Variants in ITPRIP observed in about 807,000 individuals in gnomAD.
The protein encoded by ITPRIP is inositol 1,4,5-trisphosphate receptor-interacting protein.
ITPRIP carries 32 observed loss-of-function variants against 35.8 expected under a neutral mutation model. That is an observed-to-expected ratio of 0.89 (90% CI 0.68 to 1.20). ITPRIP has a LOEUF of 1.20. Among genes scored for constraint, ITPRIP ranks in the 50% most tolerant of loss-of-function variants. The pLI, the probability that ITPRIP is intolerant of heterozygous loss-of-function variation, is 0.00. For synonymous variants in ITPRIP, 358 were observed against 324.0 expected (o/e 1.11, Z -1.13); for missense variants, 653 against 735.6 (o/e 0.89, Z 1.30).
At chr10:104,319,242 G>C (rs1038416511) in intron 1 of ITPRIP, among the ~76,000 whole-genome samples, 1 of 152,230 alleles carries the variant, frequency 6.6e-6, no homozygotes, top group African/African-American at 2.4e-5. Context: ...ATGTTGGGAC[G>C]GGTGAGTGAG....
chr10:104,321,780 A>T (rs972232455), intron 1 of ITPRIP, among the ~76,000 whole-genome samples: 32 of 151,528 alleles, frequency 2.1e-4, no homozygotes, highest in Admixed American at 5.9e-4. Context: ...GGGTTAACCA[A>T]AGTCCAAGAG....
intron 1 of ITPRIP, among the ~76,000 whole-genome samples, chr10:104,335,580 G>A (rs189066412): frequency 6.6e-6 from 1 of 152,264 alleles, no homozygotes; most frequent in Non-Finnish European, 1.5e-5. Flanking sequence ...CTCCCCATCA[G>A]CCATCAAGGC....
chr10:104,332,221 TA>T (rs1480353594), intron 1 of ITPRIP, among the ~76,000 whole-genome samples: 63 of 152,242 alleles, frequency 4.1e-4, no homozygotes, highest in African/African-American at 1.5e-3. Context: ...ATGAAGCCAC[TA>T]TTTTTTTTTA....
intron 1 of ITPRIP, among the ~76,000 whole-genome samples, chr10:104,321,923 G>A (rs1364692719): frequency 6.6e-6 from 1 of 152,070 alleles, no homozygotes; most frequent in Non-Finnish European, 1.5e-5. Context: ...TACTGAGCTC[G>A]AGGAACATGA....
Position 104,313,007 on chromosome 10 carries a change from GC to G in ITPRIP, c.*1400del, listed in dbSNP as rs1226964372. 1 of 985,322 alleles carries G rather than the reference GC, an allele frequency of 1.0e-6. No homozygotes were observed. Among genetic ancestry groups the G allele is most frequent in the Non-Finnish European group, 1.2e-6 (1 of 829,976 alleles). The allele number at this position is 985,322 out of a possible 1,614,324, so 61.0% of individuals were successfully genotyped here. A position where few individuals can be genotyped will look rare whatever the true frequency, so the allele number is the denominator to read the frequency against. ...CCCCTGAACCAGACCTGGAGACGGA[GC>G]CCAGCTCCAACCACAGAGCTTCTGC... On this transcript the variant is annotated 3_prime_UTR_variant, in exon 2 of 2. Coordinates refer to ENST00000337478, the MANE Select transcript of ITPRIP (RefSeq NM_001272013.2).
rs34349230 is a variant in ITPRIP, at chr10:104,333,928, G to A, written c.-14+4318C>T. ...CACACTGGCCAGGTTTCCAGTCTGCGCCAGGCACGGTGCTCAGAGCCTTCT... is the reference window on the plus strand; with the variant it reads ...CACACTGGCCAGGTTTCCAGTCTGCACCAGGCACGGTGCTCAGAGCCTTCT... On this transcript the variant is annotated intron_variant, in intron 1 of 1. Transcript: ENST00000337478. This position sits in a 1 kb window ranked among gnomAD's most constrained non-coding sequence, Gnocchi z 4.1. The A allele has an allele frequency of 0.25, 37,572 of 152,154 alleles. 4,840 individuals carry two copies. Among genetic ancestry groups the A allele is most frequent in the Middle Eastern group, 0.3 (87 of 294 alleles). The allele number at this position is 152,154 out of a possible 1,614,324, so 9.4% of individuals were successfully genotyped here. A position where few individuals can be genotyped will look rare whatever the true frequency, so the allele number is the denominator to read the frequency against.
chr10:104,337,588 G>C (rs566879585), intron 1 of ITPRIP, among the ~76,000 whole-genome samples: 7 of 152,240 alleles, frequency 4.6e-5, no homozygotes, highest in Non-Finnish European at 1.5e-5. Context: ...CAAAGTCACA[G>C]GGATGGGGTT....
chr10:104,322,151 C>A (rs1434537190), intron 1 of ITPRIP, among the ~76,000 whole-genome samples: 1 of 152,158 alleles, frequency 6.6e-6, no homozygotes, highest in Non-Finnish European at 1.5e-5. Context: ...TGGAGCTCTC[C>A]CTGCCCTCAC....
Position 104,328,343 on chromosome 10 carries a change from T to A in ITPRIP, c.-14+9903A>T. The stretch of plus-strand genomic sequence containing the variant: ...CAAGGGTGCTGGTTTGGAGAGAGCA[T>A]GAATACCCACCTTGGGGCAGGACAT... On this transcript the variant is annotated intron_variant, in intron 1 of 1. Transcript: ENST00000337478. This position sits in a 1 kb window ranked among gnomAD's most constrained non-coding sequence, Gnocchi z 4.1. 1.0e-6 allele frequency: 1 copy of A among 956,566 alleles called. No homozygotes were observed. Among genetic ancestry groups the A allele is most frequent in the Non-Finnish European group, 1.2e-6 (1 of 803,894 alleles). The allele number at this position is 956,566 out of a possible 1,614,324, so 59.3% of individuals were successfully genotyped here. A position where few individuals can be genotyped will look rare whatever the true frequency, so the allele number is the denominator to read the frequency against.
At position 104,337,041 on chromosome 10, in the gene ITPRIP, A is replaced by T. The variant is rs182802370; in HGVS notation, c.-14+1205T>A. 7.9e-4 allele frequency among the ~76,000 whole-genome samples: 120 copies of T among 152,346 alleles called. 1 individual carries two copies. The highest frequency in any genetic ancestry group is 2.8e-4 in the Non-Finnish European group (19 of 68,026). On this transcript the variant is annotated intron_variant, in intron 1 of 1. Transcript: ENST00000337478. The stretch of plus-strand genomic sequence containing the variant: ...ATGGCCCAGAGCAGCCGCAACATAC[A>T]GGGAATTAGCAAACAATGAAAGCCA...
rs1221858428 is a variant in ITPRIP, at chr10:104,315,157, G to A, written c.895C>T (p.Gln299Ter). Residue 299 changes from glutamine to a stop codon, truncating the protein, a stop_gained, in exon 2 of 2, where the codon CAG becomes TAG. Transcript: ENST00000337478. LOFTEE classifies it high-confidence loss of function. This position sits in a 1 kb window ranked among gnomAD's most constrained non-coding sequence, Gnocchi z 5.7. ...GCCGTCTGGAACCACTTCATGACCT[G>A]CATCGTGTCCAGGTACAGGGAATCT... ...ATDSLYLDTM[Q>*]VMKWFQTALT... 1 of 1,614,114 alleles carries A rather than the reference G, an allele frequency of 6.2e-7. No individual in the cohort carries two copies. The highest frequency in any genetic ancestry group is 2.2e-5 in the East Asian group (1 of 44,866).
Position 104,313,416 on chromosome 10 carries a change from G to A in ITPRIP, c.*992C>T. The stretch of plus-strand genomic sequence containing the variant: ...AGGCTTGGCTCTGCGCACAGCCTCT[G>A]GGAGTGCCATGGCCTCAGGTGCCTT... On this transcript the variant is annotated 3_prime_UTR_variant, in exon 2 of 2. Transcript: ENST00000337478. 1 of 986,106 alleles carries A rather than the reference G, an allele frequency of 1.0e-6. No individual in the cohort carries two copies. 61.1% of individuals were successfully genotyped at this position (986,106 alleles called of 1,614,324 possible).
chr10:104,329,323 A>G (rs959607425), intron 1 of ITPRIP, among the ~76,000 whole-genome samples: 17 of 152,158 alleles, frequency 1.1e-4, no homozygotes, highest in African/African-American at 3.9e-4. Flanking sequence ...GAGGGCCCAC[A>G]TGGTAAGGCT....
At chr10:104,331,243 A>G (rs1373632126) in intron 1 of ITPRIP, among the ~76,000 whole-genome samples, 2 of 152,226 alleles carry the variant, frequency 1.3e-5, no homozygotes, top group Non-Finnish European at 2.9e-5. Flanking sequence ...GGACCCAGGC[A>G]GCCCCTGCTC....
At chr10:104,337,699 G>A (rs2135218145) in intron 1 of ITPRIP, among the ~76,000 whole-genome samples, 1 of 152,184 alleles carries the variant, frequency 6.6e-6, no homozygotes, top group South Asian at 2.1e-4. Flanking sequence ...GAAAGAGGAA[G>A]CGGCGGGGAT....
At chr10:104,330,827 CCAA>C (rs2014133248) in intron 1 of ITPRIP, among the ~76,000 whole-genome samples, 1 of 152,244 alleles carries the variant, frequency 6.6e-6, no homozygotes, top group South Asian at 2.1e-4. Context: ...AGGCCACTCA[CCAA>C]CATCATAGAG....
chr10:104,315,995 G>A lies in ITPRIP; in HGVS notation c.57C>T (p.His19=). 6.2e-7 allele frequency: 1 copy of A among 1,610,998 alleles called. No homozygotes were observed. The highest frequency in any genetic ancestry group is 8.5e-7 in the Non-Finnish European group (1 of 1,178,864). ...CLVVVTAIIN[H]PLLFPRENAT... is the part of the protein sequence containing the mutation. Reference sequence around the variant, plus strand: ...CGTTCTCCCGCGGGAACAGCAGCGGGTGGTTGATGATGGCCGTCACCACCA... The same window carrying A: ...CGTTCTCCCGCGGGAACAGCAGCGGATGGTTGATGATGGCCGTCACCACCA... The change falls in exon 2 of 2, where the codon CAC becomes CAT. Residue 19 remains histidine, a synonymous_variant. Coordinates refer to ENST00000337478, the MANE Select transcript of ITPRIP (RefSeq NM_001272013.2). The surrounding 1 kb of genome is among the most constrained non-coding windows in gnomAD (Gnocchi z 5.7).
chr10:104,317,505 C>T (rs999733168), intron 1 of ITPRIP, among the ~76,000 whole-genome samples: 1 of 152,200 alleles, frequency 6.6e-6, no homozygotes, highest in Non-Finnish European at 1.5e-5. Flanking sequence ...GACTTAGTTA[C>T]ACCCTCTCCT....
rs1564865436 is a variant in ITPRIP at position 104,326,002 on chromosome 10, C to T, written c.-13-9938G>A. Among the ~76,000 whole-genome samples, 1 of 152,162 alleles carries T rather than the reference C, an allele frequency of 6.6e-6. No individual in the cohort carries two copies. The highest frequency in any genetic ancestry group is 1.5e-5 in the Non-Finnish European group (1 of 68,018). ...ACCTGAGGTGGCCCTACCACCGAGC[C>T]GGTGGGGAAGTACACGCGGGGCAGA... On this transcript the variant is annotated intron_variant, in intron 1 of 1. Coordinates refer to ENST00000337478, the MANE Select transcript of ITPRIP (RefSeq NM_001272013.2). This position sits in a 1 kb window ranked among gnomAD's most constrained non-coding sequence, Gnocchi z 4.8.
Sources: gnomAD v4.1 joint callset for allele counts (sites outside exome capture counted in the v4.1 genomes callset) on GRCh38, gnomAD v4.1.1 for gene constraint, Gnocchi (gnomAD v3.1) non-coding constraint, MANE v1.5 for transcripts, NCBI Gene and HGNC (gene_info 2026-07-23, HGNC 2026-07-21) for gene names.